DLGAP2: variants seen among roughly 807,000 people sequenced by gnomAD.
DLGAP2 encodes the protein disks large-associated protein 2.
Under a neutral mutation model 100.3 loss-of-function variants are expected in DLGAP2, and 26 were observed. That is an observed-to-expected ratio of 0.26 (90% CI 0.19 to 0.36). The LOEUF (loss-of-function observed/expected upper bound fraction) is 0.36, where lower values mean the gene tolerates loss of function less well. Ranked by LOEUF, DLGAP2 falls within the 10% of genes least tolerant of loss-of-function variation. DLGAP2 has a pLI of 1.00. For missense variants in DLGAP2, 1,858 were observed against 1,453.2 expected (o/e 1.28, Z -4.53); for synonymous variants, 886 against 630.1 (o/e 1.41, Z -6.08).
At chr8:1,079,412 G>A (rs181392239) in intron 2 of DLGAP2, among the ~76,000 whole-genome samples, 1 of 152,196 alleles carries the variant, frequency 6.6e-6, no homozygotes, top group East Asian at 1.9e-4. Flanking sequence ...AAGTTCTTCT[G>A]CATTATTTTG....
chr8:1,333,798 G>A (rs1276943083), intron 3 of DLGAP2, among the ~76,000 whole-genome samples: 1 of 152,216 alleles, frequency 6.6e-6, no homozygotes, highest in Non-Finnish European at 1.5e-5. Flanking sequence ...AAGACACAGG[G>A]TGGTCCATCT....
intron 3 of DLGAP2, among the ~76,000 whole-genome samples, chr8:1,317,619 C>T (rs577004299): frequency 6.9e-6 from 1 of 144,098 alleles, no homozygotes; most frequent in East Asian, 2.1e-4. Context: ...AGCGTCTCTC[C>T]AACAGTGGTC....
chr8:904,499 G>A (rs1312243290), intron 1 of DLGAP2, among the ~76,000 whole-genome samples: 2 of 152,162 alleles, frequency 1.3e-5, no homozygotes, highest in Non-Finnish European at 2.9e-5. Context: ...CAGCCTGGGC[G>A]ATAGAACAAG....
intron 6 of DLGAP2, among the ~76,000 whole-genome samples, chr8:1,603,538 C>G (rs116061626): frequency 1.3e-5 from 2 of 151,078 alleles, no homozygotes; most frequent in Non-Finnish European, 2.9e-5. Context: ...GTCTGGGTCT[C>G]AGTTCTGCAG....
chr8:1,018,269 C>T (rs1487816844), intron 2 of DLGAP2, among the ~76,000 whole-genome samples: 1 of 152,142 alleles, frequency 6.6e-6, no homozygotes, highest in Admixed American at 6.5e-5. Context: ...ATAGGACTTC[C>T]TTCTTTGAAC....
intron 2 of DLGAP2, among the ~76,000 whole-genome samples, chr8:1,121,253 G>A (rs185083393): frequency 3.3e-4 from 44 of 133,102 alleles, no homozygotes; most frequent in South Asian, 1.3e-3. Flanking sequence ...ACCCATCCTC[G>A]TCCCTTCAGA....
chr8:952,084 G>T (rs537614797), intron 2 of DLGAP2, among the ~76,000 whole-genome samples: 1 of 152,302 alleles, frequency 6.6e-6, no homozygotes, highest in East Asian at 1.9e-4. Context: ...GAGTTTTCTA[G>T]TTCCATTTTC....
intron 2 of DLGAP2, among the ~76,000 whole-genome samples, chr8:1,078,533 C>G (rs1016731128): frequency 2.6e-5 from 4 of 152,104 alleles, no homozygotes; most frequent in African/African-American, 9.7e-5. Flanking sequence ...AGTTTTGCTG[C>G]CCTAAAAACC....
intron 2 of DLGAP2, among the ~76,000 whole-genome samples, chr8:984,006 G>A (rs962950390): frequency 2.0e-5 from 3 of 152,018 alleles, no homozygotes; most frequent in Non-Finnish European, 4.4e-5. Context: ...AGAGTGTGCC[G>A]AGCACACAGA....
chr8:1,256,519 G>T (rs573018266), intron 2 of DLGAP2, among the ~76,000 whole-genome samples: 1 of 144,680 alleles, frequency 6.9e-6, no homozygotes, highest in Non-Finnish European at 1.5e-5. Context: ...TGCTGTGTGT[G>T]TGCCCGTCTC....
chr8:1,639,485 C>T (rs1797846051), intron 8 of DLGAP2, among the ~76,000 whole-genome samples: 1 of 152,192 alleles, frequency 6.6e-6, no homozygotes, highest in African/African-American at 2.4e-5. Context: ...CAGGGTAAGC[C>T]CAGGTTCCTG....
intron 3 of DLGAP2, among the ~76,000 whole-genome samples, chr8:1,321,978 C>T (rs894419564): frequency 1.3e-4 from 20 of 152,142 alleles, no homozygotes; most frequent in African/African-American, 4.8e-4. Flanking sequence ...CTAGCTTAAG[C>T]CCTGAAGCGT....
At chr8:1,255,825 C>T (rs1482228078) in intron 2 of DLGAP2, among the ~76,000 whole-genome samples, 1,124 of 97,252 alleles carry the variant, frequency 0.012, 5 homozygotes, top group African/African-American at 0.056. Flanking sequence ...TTCTCCTGCC[C>T]AGGTGCTGTG....
chr8:1,635,085 A>G (rs1201788030), intron 8 of DLGAP2, among the ~76,000 whole-genome samples: 1 of 152,206 alleles, frequency 6.6e-6, no homozygotes, highest in African/African-American at 2.4e-5. Flanking sequence ...TAGGATTACA[A>G]GTTACCCTTG....
chr8:1,338,788 A>G (rs17748026), intron 3 of DLGAP2, among the ~76,000 whole-genome samples: 52,556 of 125,034 alleles, frequency 0.42, 14,738 homozygotes, highest in African/African-American at 0.77. Flanking sequence ...GGGAAGTACC[A>G]TGGTGTCAGG....
chr8:1,131,661 T>G (rs1475876210), intron 2 of DLGAP2, among the ~76,000 whole-genome samples: 1 of 150,926 alleles, frequency 6.6e-6, no homozygotes. Context: ...CTGTTCCACA[T>G]TAGGTGAGAT....
chr8:862,211 C>A (rs1414849324), intron 1 of DLGAP2, among the ~76,000 whole-genome samples: 2 of 152,088 alleles, frequency 1.3e-5, no homozygotes. Flanking sequence ...TGAGTCGCAC[C>A]CAGATTCCCA....
chr8:766,446 A>G (rs1214940668), intron 1 of DLGAP2, among the ~76,000 whole-genome samples: 1 of 152,180 alleles, frequency 6.6e-6, no homozygotes. Context: ...AATCTTTCTA[A>G]TGTCCTCCGG....
At chr8:848,892 CGCGCG>C (rs1563061866) in intron 1 of DLGAP2, among the ~76,000 whole-genome samples, 1 of 136,048 alleles carries the variant, frequency 7.4e-6, no homozygotes, top group Non-Finnish European at 1.6e-5. Context: ...AGCATAGGAA[CGCGCG>C]GTGCCTGTTC....
Sources: gnomAD v4.1 joint callset for allele counts (sites outside exome capture counted in the v4.1 genomes callset) on GRCh38, gnomAD v4.1.1 for gene constraint, MANE v1.5 for transcripts, NCBI Gene and HGNC (gene_info 2026-07-23, HGNC 2026-07-21) for gene names.